Variants in KCTD13 observed in about 807,000 individuals in gnomAD.
KCTD13 encodes the protein potassium channel tetramerization domain containing 13.
In KCTD13, 15 loss-of-function variants were observed where a neutral mutation model predicts 32.3. That is an observed-to-expected ratio of 0.46 (90% confidence interval 0.31 to 0.71). The LOEUF (loss-of-function observed/expected upper bound fraction) is 0.71. Ranked by LOEUF, KCTD13 falls within the 30% of genes least tolerant of loss-of-function variation. The pLI is 0.05. For missense variants in KCTD13, 337 were observed against 452.6 expected (o/e 0.74, Z 2.32); for synonymous variants, 189 against 200.1 (o/e 0.94, Z 0.47).
Position 29,923,231 on chromosome 16 carries a change from G to C in KCTD13, c.373C>G (p.Leu125Val). 1 of 1,614,234 alleles carries C rather than the reference G, an allele frequency of 6.2e-7. No homozygotes were observed. Among genetic ancestry groups the C allele is most frequent in the East Asian group, 2.2e-5 (1 of 44,890 alleles). ...CAGTCCTCAATCAGGCCCTGCACCA[G>C]GTAGTAGCGTGCTTCGCCCAGCAGC... is the stretch of plus-strand genomic sequence containing the variant. ...GELLGEARYY[L>V]VQGLIEDCQL... Residue 125 changes from leucine (L) to valine (V), a missense_variant, in exon 2 of 6, where the codon CTG (leucine) becomes GTG (valine). Physicochemically the swap from Leu to Val is conservative, Grantham distance 32. Transcript: ENST00000568000.
intron 1 of KCTD13, among the ~76,000 whole-genome samples, chr16:29,924,933 G>A (rs530016350): frequency 3.3e-5 from 5 of 152,186 alleles, no homozygotes; most frequent in African/African-American, 1.2e-4. Flanking sequence ...GGTCAGGCTG[G>A]TCTCGAACTC....
intron 5 of KCTD13, among the ~76,000 whole-genome samples, chr16:29,909,603 C>G (rs2068670360): frequency 1.3e-5 from 2 of 151,894 alleles, no homozygotes; most frequent in Non-Finnish European, 2.9e-5. Context: ...GACTCAGGAT[C>G]TACAAACTCA....
chr16:29,910,498 T>C (rs956270064), intron 5 of KCTD13, among the ~76,000 whole-genome samples: 1 of 152,042 alleles, frequency 6.6e-6, no homozygotes. Context: ...CATGCCATCA[T>C]GTCACCAAGC....
chr16:29,925,162 T>C (rs1015303201), intron 1 of KCTD13, among the ~76,000 whole-genome samples: 12 of 152,088 alleles, frequency 7.9e-5, no homozygotes, highest in Admixed American at 2.0e-4. Flanking sequence ...GCACGAAGGG[T>C]CCATACTTGA....
chr16:29,924,296 G>A (rs769455621), intron 1 of KCTD13, among the ~76,000 whole-genome samples: 2 of 152,062 alleles, frequency 1.3e-5, no homozygotes, highest in Admixed American at 6.5e-5. Context: ...CATCTCCAGC[G>A]AGTTCTCCCT....
chr16:29,921,805 A>G (rs1397581296), intron 2 of KCTD13: 1 of 152,168 alleles, frequency 6.6e-6, no homozygotes, highest in Non-Finnish European at 1.5e-5. Flanking sequence ...CCCCGTCTCT[A>G]CTAAAAATAC....
At chr16:29,913,764 T>G (rs765869856) in intron 2 of KCTD13, 2 of 150,430 alleles carry the variant, frequency 1.3e-5, no homozygotes, top group Non-Finnish European at 3.0e-5. Context: ...TGCTTGAGTA[T>G]CCTCGCAGCA....
At chr16:29,916,124 A>T (rs1171165518) in intron 2 of KCTD13, among the ~76,000 whole-genome samples, 1 of 152,180 alleles carries the variant, frequency 6.6e-6, no homozygotes, top group African/African-American at 2.4e-5. Flanking sequence ...CAGTGTTGCT[A>T]AACTTTCTGC....
chr16:29,923,859 CA>C (rs934745398), intron 1 of KCTD13, among the ~76,000 whole-genome samples: 2 of 135,636 alleles, frequency 1.5e-5, no homozygotes. Context: ...CGTCTCAAAA[CA>C]AAAAAATAAA....
chr16:29,921,765 T>G (rs1219271520), intron 2 of KCTD13: 1 of 151,878 alleles, frequency 6.6e-6, no homozygotes, highest in African/African-American at 2.4e-5. Context: ...AGGTCAGGAG[T>G]TCGACACCAG....
Position 29,923,247 on chromosome 16 carries a change from G to A in KCTD13, c.357C>T (p.Gly119=), listed in dbSNP as rs1342738230. The change falls in exon 2 of 6, where the codon GGC becomes GGT. Residue 119 remains glycine, a synonymous_variant. Transcript: ENST00000568000. ...CCTGCACCAGGTAGTAGCGTGCTTCGCCCAGCAGCTCCCCCAGTTCTCTCG... is the reference window on the plus strand; with the variant it reads ...CCTGCACCAGGTAGTAGCGTGCTTCACCCAGCAGCTCCCCCAGTTCTCTCG... ...ESTRELGELL[G]EARYYLVQGL... 45 of 1,614,032 alleles carry A rather than the reference G, an allele frequency of 2.8e-5. No homozygotes were observed. Among genetic ancestry groups the A allele is most frequent in the Non-Finnish European group, 3.4e-5 (40 of 1,180,032 alleles).
At chr16:29,922,393 C>T (rs2068929525) in intron 2 of KCTD13, 1 of 152,170 alleles carries the variant, frequency 6.6e-6, no homozygotes, top group African/African-American at 2.4e-5. Flanking sequence ...ACATTTTTAA[C>T]ATTGTAAAAA....
At chr16:29,910,312 C>T (rs908739603) in intron 5 of KCTD13, among the ~76,000 whole-genome samples, 4 of 151,964 alleles carry the variant, frequency 2.6e-5, no homozygotes, top group African/African-American at 9.7e-5. Flanking sequence ...GCAGAAGAAT[C>T]GCTTGAACCT....
intron 1 of KCTD13, among the ~76,000 whole-genome samples, chr16:29,924,474 G>A (rs943906882): frequency 8.6e-5 from 13 of 151,834 alleles, no homozygotes; most frequent in African/African-American, 2.9e-4. Flanking sequence ...ACCTCCCCCC[G>A]TCCAGTTCAC....
chr16:29,922,924 A>C (rs1322545516), intron 2 of KCTD13: 1 of 473,800 alleles, frequency 2.1e-6, no homozygotes, highest in Admixed American at 3.6e-5. Context: ...CTCAGGTGCG[A>C]GTGTAACAGC....
chr16:29,924,969 G>A (rs987005448), intron 1 of KCTD13, among the ~76,000 whole-genome samples: 5 of 152,006 alleles, frequency 3.3e-5, no homozygotes, highest in Admixed American at 6.6e-5. Flanking sequence ...CCACCGCCTC[G>A]GCCTCCCAAA....
Position 29,926,016 on chromosome 16 carries a change from C to T in KCTD13, c.18G>A (p.Ser6=), listed in dbSNP as rs758029416. Residue 6 remains serine (S), a synonymous_variant, in exon 1 of 6, where the codon TCG becomes TCA. Transcript: ENST00000568000. MSAEA[S]GPAAAAAPSL... ...ACGGGGCCGCGGCGGCAGCCGGGCC[C>T]GAGGCCTCCGCCGACATGCCGGGTA... 1.1e-5 allele frequency: 17 copies of T among 1,544,908 alleles called. No individual in the cohort carries two copies. The highest frequency in any genetic ancestry group is 1.5e-5 in the Non-Finnish European group (17 of 1,151,832).
chr16:29,908,899 T>C (rs2068658553), intron 5 of KCTD13, among the ~76,000 whole-genome samples: 1 of 151,740 alleles, frequency 6.6e-6, no homozygotes, highest in Non-Finnish European at 1.5e-5. Context: ...CTTGCTGTGT[T>C]GCCCAGGCTG....
intron 2 of KCTD13, among the ~76,000 whole-genome samples, chr16:29,917,350 A>G (rs1293430817): frequency 2.6e-5 from 4 of 152,120 alleles, no homozygotes; most frequent in Non-Finnish European, 5.9e-5. Context: ...AAAAAAATCC[A>G]TATTTAAAAC....
Sources: allele counts gnomAD v4.1 joint callset (sites outside exome capture counted in the v4.1 genomes callset), GRCh38; gene constraint gnomAD v4.1.1; transcripts MANE v1.5; gene names NCBI Gene and HGNC (gene_info 2026-07-23, HGNC 2026-07-21).